RPS6KA6: variants seen among roughly 807,000 people sequenced by gnomAD.
RPS6KA6 encodes ribosomal protein S6 kinase alpha-6.
A neutral mutation model predicts 65.4 loss-of-function variants in RPS6KA6; 27 were observed. That is an observed-to-expected ratio of 0.41 (90% CI 0.30 to 0.57). The LOEUF (loss-of-function observed/expected upper bound fraction) is 0.57, where lower values mean the gene tolerates loss of function less well. RPS6KA6 is among the 20% of genes least tolerant of loss of function. The probability of loss-of-function intolerance (pLI) is 0.24; values close to 1 mark genes in which losing one functional copy is unlikely to be tolerated. For synonymous variants in RPS6KA6, 190 were observed against 184.2 expected, an observed-to-expected ratio of 1.03 and a Z score of -0.26; for missense variants, 486 against 555.6, an observed-to-expected ratio of 0.87 and a Z score of 1.26.
Position 84,157,210 on chromosome X carries a change from A to G in RPS6KA6, c.142-1019T>C, listed in dbSNP as rs191303913. On this transcript the variant is annotated intron_variant, in intron 2 of 21. Transcript: ENST00000262752. ...TAACTTCCATGGAATATAGGTAGTC[A>G]GGCATTCACTATCTCAAGGGGGGTA... Among the ~76,000 whole-genome samples the G allele has an allele frequency of 4.5e-5, 5 of 111,570 alleles. No individual in the cohort carries two copies. The East Asian group carries it at 1.4e-3, about 32-fold the overall frequency.
At chrX:84,138,488 G>A (rs1460007210) in intron 6 of RPS6KA6, among the ~76,000 whole-genome samples, 3 of 111,533 alleles carry the variant, frequency 2.7e-5, no homozygotes, top group Non-Finnish European at 5.6e-5. Context: ...GGGAGGTTGA[G>A]GCTGCAATGA....
chrX:84,111,798 A>G (rs920811332), intron 12 of RPS6KA6, among the ~76,000 whole-genome samples: 3 of 108,915 alleles, frequency 2.8e-5, no homozygotes, highest in Non-Finnish European at 5.7e-5. Context: ...CAAGGCAACT[A>G]GCTAGCAAAT....
intron 12 of RPS6KA6, among the ~76,000 whole-genome samples, chrX:84,110,096 C>A (rs1361687266): frequency 8.9e-6 from 1 of 111,876 alleles, no homozygotes; most frequent in Admixed American, 9.4e-5. Flanking sequence ...GAGGTTCCAC[C>A]CAGAAACAAC....
At chrX:84,161,525 G>A (rs899388121) in intron 2 of RPS6KA6, among the ~76,000 whole-genome samples, 1 of 111,073 alleles carries the variant, frequency 9.0e-6, no homozygotes, top group Non-Finnish European at 1.9e-5. Context: ...AGCATACTAA[G>A]GCTAAATGTG....
chrX:84,106,738 A>T (rs1390654089), intron 14 of RPS6KA6, among the ~76,000 whole-genome samples, 172 bp downstream of exon 14: 1 of 111,698 alleles, frequency 9.0e-6, no homozygotes, highest in Non-Finnish European at 1.9e-5. Flanking sequence ...ATTAAAAGTT[A>T]CCACTGTCTG....
At position 84,107,000 on chromosome X, in the gene RPS6KA6, G is replaced by A; in HGVS notation, c.1152C>T (p.Leu384=). ...TTGCAACAAAGCTGAATCCTTTGAA[G>A]AGCTGATGAGCATTTGCACTGGCTG... The part of the protein sequence containing the change: ...GLPASANAHQ[L]FKGFSFVATS... Residue 384 remains leucine, a synonymous_variant, in exon 14 of 22, where the codon CTC becomes CTT. Transcript: ENST00000262752. 8.3e-7 allele frequency: 1 copy of A among 1,201,914 alleles called. No individual in the cohort carries two copies. The highest frequency in any genetic ancestry group is 3.0e-5 in the East Asian group (1 of 33,628).
chrX:84,068,606 A>C (rs1439366768), intron 20 of RPS6KA6, among the ~76,000 whole-genome samples: 1 of 112,070 alleles, frequency 8.9e-6, no homozygotes, highest in African/African-American at 3.2e-5. Flanking sequence ...AAAGGTATTC[A>C]AATAGGAAGA....
At position 84,146,874 on chromosome X, in the gene RPS6KA6, T is replaced by G. The variant is rs1168098534; in HGVS notation, c.421+104A>C. 1.9e-5 allele frequency: 8 copies of G among 413,168 alleles called. No individual in the cohort carries two copies. In the East Asian group the frequency reaches 3.0e-4, roughly 15 times the overall value. 34.0% of individuals were successfully genotyped at this position (413,168 alleles called of 1,213,427 possible). A position where few individuals can be genotyped will look rare whatever the true frequency, so the allele number is the denominator to read the frequency against. ...GCTGAATATACTAAGTCTAAAGTATTTATTTCCTGTTATAGTATTGTGTGA... is the reference window on the plus strand; with the variant it reads ...GCTGAATATACTAAGTCTAAAGTATGTATTTCCTGTTATAGTATTGTGTGA... On this transcript the variant is annotated intron_variant, in intron 5 of 21. Transcript: ENST00000262752.
chrX:84,183,657 T>G (rs1487081941), intron 1 of RPS6KA6, among the ~76,000 whole-genome samples: 1 of 111,503 alleles, frequency 9.0e-6, no homozygotes, highest in Non-Finnish European at 1.9e-5. Flanking sequence ...TCTTCCTTCT[T>G]TCAGAACATT....
At chrX:84,110,095 C>T (rs1452461793) in intron 12 of RPS6KA6, among the ~76,000 whole-genome samples, 3 of 111,934 alleles carry the variant, frequency 2.7e-5, no homozygotes, top group African/African-American at 9.8e-5. Context: ...GGAGGTTCCA[C>T]CCAGAAACAA....
chrX:84,131,308 C>T (rs1281543113), intron 8 of RPS6KA6, among the ~76,000 whole-genome samples: 1 of 112,460 alleles, frequency 8.9e-6, no homozygotes, highest in Admixed American at 9.4e-5. Flanking sequence ...AACTGATTTT[C>T]TAACTATGCT....
intron 6 of RPS6KA6, among the ~76,000 whole-genome samples, chrX:84,145,152 G>A (rs2147543017): frequency 9.0e-6 from 1 of 111,200 alleles, no homozygotes; most frequent in African/African-American, 3.2e-5. Flanking sequence ...TTTATTGTAT[G>A]TCAATTATAC....
rs778013413 is a variant in RPS6KA6 at position 84,117,433 on chromosome X, G to A, written c.811C>T (p.Leu271=). The change falls in exon 10 of 22, where the codon CTG becomes TTG. Residue 271 remains leucine, a synonymous_variant. Transcript: ENST00000262752. ...TTTCTGTCTTTACCTTGAAATGGCA[G>A]AGTACCAGTAAGCATTTCAAACTAA... ...VLMFEMLTGT[L]PFQGKDRNET... is the part of the protein sequence containing the mutation. The A allele has an allele frequency of 9.4e-6, 11 of 1,166,044 alleles. No individual in the cohort carries two copies. The highest frequency in any genetic ancestry group is 6.1e-5 in the East Asian group (2 of 32,982).
intron 20 of RPS6KA6, among the ~76,000 whole-genome samples, chrX:84,073,981 A>G (rs755702649): frequency 1.4e-4 from 16 of 111,651 alleles, no homozygotes; most frequent in Admixed American, 1.1e-3. Context: ...CAAAAAATTA[A>G]AAACAGTACT....
At chrX:84,151,096 GATAGATATAT>G (rs1569235754) in intron 3 of RPS6KA6, among the ~76,000 whole-genome samples, 2 of 93,361 alleles carry the variant, frequency 2.1e-5, no homozygotes, top group Admixed American at 2.5e-4. Flanking sequence ...ATATATAGAG[GATAGATATAT>G]ATAGATATAT....
chrX:84,175,306 T>C (rs1422830164), intron 1 of RPS6KA6, among the ~76,000 whole-genome samples: 1 of 111,451 alleles, frequency 9.0e-6, no homozygotes, highest in African/African-American at 3.3e-5. Flanking sequence ...GATGTGGCAT[T>C]TGCATATAAC....
chrX:84,075,871 T>C, intron 20 of RPS6KA6, among the ~76,000 whole-genome samples: 1 of 112,134 alleles, frequency 8.9e-6, no homozygotes, highest in Admixed American at 9.5e-5. Flanking sequence ...AGAAGAAAAT[T>C]ATAAATGTTT....
intron 2 of RPS6KA6, among the ~76,000 whole-genome samples, chrX:84,161,136 A>T (rs1320328603): frequency 9.0e-6 from 1 of 111,661 alleles, no homozygotes; most frequent in Admixed American, 9.5e-5. Context: ...TTATTTGTAC[A>T]GATGTTCCTG....
intron 17 of RPS6KA6, among the ~76,000 whole-genome samples, chrX:84,102,606 C>G (rs975730455): frequency 3.6e-5 from 4 of 110,896 alleles, no homozygotes; most frequent in African/African-American, 1.3e-4. Context: ...CACCCCCCTC[C>G]TTGAAGTAAA....
Sources: allele counts gnomAD v4.1 joint callset (sites outside exome capture counted in the v4.1 genomes callset), GRCh38; gene constraint gnomAD v4.1.1; transcripts MANE v1.5; gene names NCBI Gene and HGNC (gene_info 2026-07-23, HGNC 2026-07-21).